B3GLCT: variants seen among roughly 807,000 people sequenced by gnomAD.
The protein encoded by B3GLCT is beta 3-glucosyltransferase, also known as beta-1,3-glucosyltransferase.
Under a neutral mutation model 63.4 loss-of-function variants are expected in B3GLCT, and 65 were observed. The ratio of observed to expected loss-of-function variants is 1.03; its 90% CI spans 0.84 to 1.26. B3GLCT has a LOEUF of 1.26. Ranked by LOEUF, B3GLCT falls within the 50% of genes most tolerant of loss-of-function variation. The pLI, the probability that B3GLCT is intolerant of heterozygous loss-of-function variation, is 0.00. For synonymous variants in B3GLCT, 233 were observed against 219.2 expected, an observed-to-expected ratio of 1.06 and a Z score of -0.55; for missense variants, 577 against 604.8, an observed-to-expected ratio of 0.95 and a Z score of 0.48.
intron 4 of B3GLCT, among the ~76,000 whole-genome samples, chr13:31,229,637 T>G (rs1043867786): frequency 6.6e-6 from 1 of 151,648 alleles, no homozygotes; most frequent in African/African-American, 2.4e-5. Flanking sequence ...TCCCAGCTAC[T>G]CAGGAGGCTG....
rs184846399 is a variant in B3GLCT, at chr13:31,291,016, C to G, written c.1064+4197C>G. On this transcript the variant is annotated intron_variant, in intron 12 of 14. Transcript: ENST00000343307. Reference sequence around the variant, plus strand: ...TAGGTCTTACATGTAACTCTTTAATCCATTTTAATTTTTGTATAAGGTGTA... The same window carrying G: ...TAGGTCTTACATGTAACTCTTTAATGCATTTTAATTTTTGTATAAGGTGTA... Among the ~76,000 whole-genome samples, 759 of 152,236 alleles carry G rather than the reference C, an allele frequency of 5.0e-3. 6 individuals are homozygous for G. The highest frequency in any genetic ancestry group is 8.7e-3 in the Non-Finnish European group (595 of 68,010).
At chr13:31,245,649 A>G (rs1017104272) in intron 4 of B3GLCT, among the ~76,000 whole-genome samples, 5 of 152,122 alleles carry the variant, frequency 3.3e-5, no homozygotes, top group Admixed American at 6.5e-5. Flanking sequence ...AGTATTTGCT[A>G]TATTTCTTTT....
intron 10 of B3GLCT, among the ~76,000 whole-genome samples, chr13:31,283,826 CAG>C (rs1325827245): frequency 1.3e-5 from 2 of 152,090 alleles, no homozygotes; most frequent in African/African-American, 4.8e-5. Context: ...TTTGGTTCAT[CAG>C]AGTTTTGACA....
chr13:31,228,160 T>C (rs755635968), intron 3 of B3GLCT, among the ~76,000 whole-genome samples: 1 of 152,208 alleles, frequency 6.6e-6, no homozygotes, highest in Admixed American at 6.5e-5. Context: ...TGGGGTGTTA[T>C]AGATGGGCTT....
chr13:31,240,574 A>C (rs1870888810), intron 4 of B3GLCT, among the ~76,000 whole-genome samples: 1 of 151,840 alleles, frequency 6.6e-6, no homozygotes, highest in Non-Finnish European at 1.5e-5. Flanking sequence ...AAGCTTGAGA[A>C]AGATGGCCTG....
At chr13:31,324,656 G>A (rs1321143283) in intron 14 of B3GLCT, among the ~76,000 whole-genome samples, 1 of 152,182 alleles carries the variant, frequency 6.6e-6, no homozygotes, top group East Asian at 1.9e-4. Context: ...AACTTGAAGT[G>A]TGTATGCATA....
chr13:31,308,351 A>AAAAAAAAC (rs1874504333), intron 12 of B3GLCT, among the ~76,000 whole-genome samples: 1 of 28,038 alleles, frequency 3.6e-5, no homozygotes, highest in Non-Finnish European at 1.6e-4. Flanking sequence ...AAAAATTAAA[A>AAAAAAAAC]AAAAAAAAAC....
At chr13:31,235,432 C>T (rs1259440904) in intron 4 of B3GLCT, among the ~76,000 whole-genome samples, 2 of 151,976 alleles carry the variant, frequency 1.3e-5, no homozygotes, top group African/African-American at 2.4e-5. Flanking sequence ...TGTCTAGGGG[C>T]TGGGCAGAGT....
intron 4 of B3GLCT, among the ~76,000 whole-genome samples, chr13:31,232,236 T>C (rs182482057): frequency 6.6e-6 from 1 of 152,314 alleles, no homozygotes; most frequent in Admixed American, 6.5e-5. Context: ...TAGTCCATCT[T>C]TGCATCGCTA....
At chr13:31,234,342 G>A (rs575446301) in intron 4 of B3GLCT, among the ~76,000 whole-genome samples, 1 of 152,276 alleles carries the variant, frequency 6.6e-6, no homozygotes, top group South Asian at 2.1e-4. Flanking sequence ...TTCAAGCAAG[G>A]TGGAAGAGCA....
chr13:31,247,288 T>C (rs1365117624), intron 5 of B3GLCT, among the ~76,000 whole-genome samples, 189 bp downstream of exon 5: 3 of 151,448 alleles, frequency 2.0e-5, no homozygotes, highest in Non-Finnish European at 4.4e-5. Flanking sequence ...AATAGCTTTT[T>C]CTTTTTTTTT....
At chr13:31,328,692 CAAA>C (rs34729471) in intron 14 of B3GLCT, among the ~76,000 whole-genome samples, 9 of 45,430 alleles carry the variant, frequency 2.0e-4, no homozygotes, top group Non-Finnish European at 2.9e-4. Flanking sequence ...AACTCCATCT[CAAA>C]AAAAAAAAAA....
At chr13:31,228,894 C>G (rs1003691412) in intron 3 of B3GLCT, among the ~76,000 whole-genome samples, 1 of 152,214 alleles carries the variant, frequency 6.6e-6, no homozygotes, top group Non-Finnish European at 1.5e-5. Flanking sequence ...TATTTTCACA[C>G]ATTTTCAGCC....
intron 6 of B3GLCT, among the ~76,000 whole-genome samples, chr13:31,257,987 T>A (rs1290044654): frequency 6.6e-6 from 1 of 151,966 alleles, no homozygotes; most frequent in African/African-American, 2.4e-5. Context: ...AAAATGCAAA[T>A]GTATAATGTG....
At chr13:31,309,203 G>C (rs1304116560) in intron 12 of B3GLCT, among the ~76,000 whole-genome samples, 1 of 152,158 alleles carries the variant, frequency 6.6e-6, no homozygotes, top group Non-Finnish European at 1.5e-5. Flanking sequence ...CTGAACCTGA[G>C]CCATTCTAGC....
chr13:31,247,313 G>A (rs538824715), intron 5 of B3GLCT, among the ~76,000 whole-genome samples: 153 of 151,880 alleles, frequency 1.0e-3, no homozygotes, highest in African/African-American at 3.5e-3. Flanking sequence ...ACAGAGTCTC[G>A]CTCTGTCGCC....
chr13:31,319,108 A>C (rs917504227), intron 13 of B3GLCT, among the ~76,000 whole-genome samples: 2 of 152,114 alleles, frequency 1.3e-5, no homozygotes, highest in African/African-American at 4.8e-5. Context: ...CCCCTTCCCC[A>C]CAGGACCTCA....
chr13:31,271,746 A>G (rs1048743819), intron 8 of B3GLCT, among the ~76,000 whole-genome samples: 1 of 151,956 alleles, frequency 6.6e-6, no homozygotes, highest in Non-Finnish European at 1.5e-5. Flanking sequence ...CCTTCATTTT[A>G]CTTTTGTTTT....
At chr13:31,309,169 T>C (rs1233512043) in intron 12 of B3GLCT, among the ~76,000 whole-genome samples, 14 of 152,160 alleles carry the variant, frequency 9.2e-5, no homozygotes, top group African/African-American at 3.4e-4. Flanking sequence ...TTTTATCCTT[T>C]CTCTTCTCAA....
Sources: allele counts gnomAD v4.1 joint callset (sites outside exome capture counted in the v4.1 genomes callset), GRCh38; gene constraint gnomAD v4.1.1; transcripts MANE v1.5; gene names NCBI Gene and HGNC (gene_info 2026-07-23, HGNC 2026-07-21).